The following THBS2 variants were observed in gnomAD, a reference collection of about 807,000 sequenced individuals.
THBS2 encodes the protein thrombospondin 2.
Under a neutral mutation model 135.2 loss-of-function variants are expected in THBS2, and 47 were observed. The observed-to-expected ratio is 0.35, with a 90% CI of 0.28 to 0.44. THBS2 has a LOEUF of 0.44. Ranked by LOEUF, THBS2 falls within the 20% of genes least tolerant of loss-of-function variation. The pLI is 1.00. For missense variants in THBS2, 1,288 were observed against 1,603.1 expected, an observed-to-expected ratio of 0.80 and a Z score of 3.36; for synonymous variants, 639 against 633.8, an observed-to-expected ratio of 1.01 and a Z score of -0.12.
At chr6:169,237,485 A>G in intron 8 of THBS2, 139 bp from the exon 9 acceptor site, 1 of 1,498,194 alleles carries the variant, frequency 6.7e-7, no homozygotes, top group Non-Finnish European at 9.1e-7. Flanking sequence ...AGCTGGGAGA[A>G]AGAGCCTCAC....
At chr6:169,237,025 G>T in intron 9 of THBS2, 145 bp downstream of exon 9, 1 of 904,748 alleles carries the variant, frequency 1.1e-6, no homozygotes. Context: ...CCAGGCCCGG[G>T]ATGGCAGCCC....
chr6:169,224,923 A>T (rs2114980836), intron 17 of THBS2, among the ~76,000 whole-genome samples: 1 of 152,298 alleles, frequency 6.6e-6, no homozygotes, highest in East Asian at 1.9e-4. Flanking sequence ...CACACACTTG[A>T]GGCAGCACAC....
intron 3 of THBS2, among the ~76,000 whole-genome samples, chr6:169,247,335 C>A (rs1780584075): frequency 6.6e-6 from 1 of 152,168 alleles, no homozygotes; most frequent in South Asian, 2.1e-4. Flanking sequence ...TGTGGCTCTG[C>A]ATGCATTGTG....
Position 169,223,277 on chromosome 6 carries a change from G to C in THBS2, c.2972C>G (p.Thr991Arg), listed in dbSNP as rs770085693. Reference sequence around the variant, plus strand: ...AGCGATGCCGGGGTCCGAGTTGGCTGTCTGAACCAGCTCCTTGCCTTGATG... The same window carrying C: ...AGCGATGCCGGGGTCCGAGTTGGCTCTCTGAACCAGCTCCTTGCCTTGATG... ...IRHQGKELVQ[T>R]ANSDPGIAVG... Residue 991 changes from threonine to arginine, a missense_variant, in exon 18 of 22, where the codon ACA becomes AGA. Physicochemically the swap from Thr to Arg is moderately conservative, Grantham distance 71 (BLOSUM62 -1). This residue lies in a region of THBS2 where 874 missense variants were observed against 1,156.1 expected (regional missense o/e 0.76). Coordinates refer to ENST00000617924, the MANE Select transcript of THBS2 (RefSeq NM_003247.5). The C allele has an allele frequency of 1.2e-6, 2 of 1,614,070 alleles. No individual in the cohort carries two copies. Among genetic ancestry groups the C allele is most frequent in the Admixed American group, 1.7e-5 (1 of 60,020 alleles).
Position 169,232,003 on chromosome 6 carries a change from T to C in THBS2, c.2128A>G (p.Asn710Asp). ...WPNLNLVCAT[N>D]ATYHCIKDNC... ...ACCTTGATGCAGTGGTAGGTGGCGT[T>C]GGTGGCGCAGACCAGATTGAGGTTG... The change falls in exon 13 of 22, where the codon AAC (asparagine) becomes GAC (aspartate). Residue 710 changes from asparagine (N) to aspartate (D), a missense_variant. Physicochemically the swap from Asn to Asp is conservative, Grantham distance 23. Transcript: ENST00000617924. 1 of 1,613,900 alleles carries C rather than the reference T, an allele frequency of 6.2e-7. No individual in the cohort carries two copies. The highest frequency in any genetic ancestry group is 8.5e-7 in the Non-Finnish European group (1 of 1,179,922).
intron 13 of THBS2, 80 bp from the exon 14 acceptor site, chr6:169,229,759 G>T: frequency 1.7e-6 from 2 of 1,183,480 alleles, no homozygotes; most frequent in Non-Finnish European, 2.5e-6. Context: ...AATGAAACCA[G>T]CATGGCGCCG....
At chr6:169,251,750 T>G (rs1387188151) in intron 1 of THBS2, among the ~76,000 whole-genome samples, 1 of 152,110 alleles carries the variant, frequency 6.6e-6, no homozygotes, top group Non-Finnish European at 1.5e-5. Flanking sequence ...ATCCTCACCT[T>G]CCAGGAATAG....
At chr6:169,244,162 G>GTTT (rs1780466211) in intron 4 of THBS2, among the ~76,000 whole-genome samples, 1 of 108,970 alleles carries the variant, frequency 9.2e-6, no homozygotes, top group Non-Finnish European at 1.8e-5. Flanking sequence ...AGATTTCTCT[G>GTTT]TGTTTTTTTT....
In THBS2 at chr6:169,248,500, C is replaced by A. The variant is rs113118914; in HGVS notation, c.526G>T (p.Asp176Tyr). The change falls in exon 3 of 22, where the codon GAC becomes TAC. Residue 176 changes from aspartate (D) to tyrosine (Y), a missense_variant. Asp to Tyr is a radical substitution (Grantham distance 160, BLOSUM62 -3). Transcript: ENST00000617924. The part of the protein sequence containing the change: ...GCDLIDSFAL[D>Y]EPFYEHLQAE... Reference sequence around the variant, plus strand: ...TGCAGGTGCTCGTAGAAGGGCTCGTCCAGAGCGAAGCTGTCTATGAGGTCG... The same window carrying A: ...TGCAGGTGCTCGTAGAAGGGCTCGTACAGAGCGAAGCTGTCTATGAGGTCG... The A allele has an allele frequency of 1.5e-5, 25 of 1,613,910 alleles. No homozygotes were observed. Among genetic ancestry groups the A allele is most frequent in the Non-Finnish European group, 2.0e-5 (24 of 1,180,046 alleles).
At position 169,225,188 on chromosome 6, in the gene THBS2, G is replaced by A. The variant is rs753422974; in HGVS notation, c.2730C>T (p.Asp910=). ...DDNDGVPDDR[D]NCRLVFNPDQ... is the part of the protein sequence containing the mutation. ...CTGGGTTGAACACAAGCCGGCAGTTGTCCCTGTCATCGGGGACGCCATCGT... is the reference window on the plus strand; with the variant it reads ...CTGGGTTGAACACAAGCCGGCAGTTATCCCTGTCATCGGGGACGCCATCGT... Residue 910 remains aspartate (D), a synonymous_variant, in exon 17 of 22, where the codon GAC becomes GAT. Coordinates refer to ENST00000617924, the MANE Select transcript of THBS2 (RefSeq NM_003247.5). 5.0e-6 allele frequency: 8 copies of A among 1,614,100 alleles called. No individual in the cohort carries two copies. Among genetic ancestry groups the A allele is most frequent in the Non-Finnish European group, 5.1e-6 (6 of 1,180,050 alleles).
At chr6:169,230,674 C>T (rs1349764521) in intron 13 of THBS2, among the ~76,000 whole-genome samples, 1 of 152,130 alleles carries the variant, frequency 6.6e-6, no homozygotes, top group South Asian at 2.1e-4. Context: ...AAATTTCCAT[C>T]TAAAATTCCA....
At chr6:169,219,435 T>C (rs943199385) in intron 21 of THBS2, among the ~76,000 whole-genome samples, 1 of 151,656 alleles carries the variant, frequency 6.6e-6, no homozygotes, top group African/African-American at 2.4e-5. Context: ...GGTGGATGAA[T>C]GATATGGATG....
chr6:169,217,965 G>T, intron 21 of THBS2, 136 bp from the exon 22 acceptor site: 1 of 773,152 alleles, frequency 1.3e-6, no homozygotes, highest in Non-Finnish European at 2.0e-6. Context: ...TGGATGGATG[G>T]ATGGATGAAA....
At chr6:169,222,600 G>T in intron 18 of THBS2, 132 bp from the exon 19 acceptor site, 1 of 984,430 alleles carries the variant, frequency 1.0e-6, no homozygotes, top group Non-Finnish European at 1.5e-6. Flanking sequence ...TTCGAGACTG[G>T]TCTGACCAAT....
Position 169,246,277 on chromosome 6 carries a change from A to G in THBS2, c.614T>C (p.Leu205Ser). 5 of 1,613,712 alleles carry G rather than the reference A, an allele frequency of 3.1e-6. No homozygotes were observed. The highest frequency in any genetic ancestry group is 4.2e-6 in the Non-Finnish European group (5 of 1,179,804). ...GSARESHFRG[L>S]LQNVHLVFEN... ...AAACACTAGGTGGACGTTCTGAAGC[A>G]AACCCTGTAAGTATACACAAGCAGA... The change falls in exon 4 of 22, where the codon TTG becomes TCG. Residue 205 changes from leucine to serine, a missense_variant. By Grantham distance (145) the Leu-to-Ser change is moderately radical. This residue lies in a region of THBS2 where 414 missense variants were observed against 447.0 expected (regional missense o/e 0.93). Coordinates refer to ENST00000617924, the MANE Select transcript of THBS2 (RefSeq NM_003247.5).
intron 12 of THBS2, 129 bp from the exon 13 acceptor site, chr6:169,232,327 A>G (rs1779868431): frequency 4.7e-6 from 5 of 1,057,524 alleles, no homozygotes; most frequent in African/African-American, 4.7e-5. Context: ...TGAAGTGGGA[A>G]GGGCTTTCTG....
intron 20 of THBS2, 101 bp downstream of exon 20, chr6:169,221,329 A>G: frequency 9.5e-7 from 1 of 1,054,302 alleles, no homozygotes; most frequent in South Asian, 1.3e-5. Context: ...GTAAAACAAA[A>G]AGTTAGAATT....
At chr6:169,225,078 AT>A in intron 17 of THBS2, 66 bp downstream of exon 17, 1 of 1,485,040 alleles carries the variant, frequency 6.7e-7, no homozygotes, top group South Asian at 1.2e-5. Flanking sequence ...GTGCATACAT[AT>A]CTCTGCCCTG....
At position 169,226,237 on chromosome 6, in the gene THBS2, A is replaced by T. The variant is rs1434270877; in HGVS notation, c.2481T>A (p.Asp827Glu). 6.2e-7 allele frequency: 1 copy of T among 1,613,930 alleles called. No homozygotes were observed. Among genetic ancestry groups the T allele is most frequent in the South Asian group, 1.1e-5 (1 of 91,076 alleles). ...YVYNTDQRDT[D>E]GDGVGDHCDN... is the part of the protein sequence containing the mutation. ...CACAGTGATCCCCCACACCGTCACC[A>T]TCCGTGTCCCTCTGGTCAGTGTTGT... The change falls in exon 16 of 22, where the codon GAT (aspartate) becomes GAA (glutamate). Residue 827 changes from aspartate (D) to glutamate (E), a missense_variant. Coordinates refer to ENST00000617924, the MANE Select transcript of THBS2 (RefSeq NM_003247.5).
Sources: allele counts gnomAD v4.1 joint callset (sites outside exome capture counted in the v4.1 genomes callset), GRCh38; gene constraint gnomAD v4.1.1; regional missense constraint gnomAD v4.1.1; transcripts MANE v1.5; gene names NCBI Gene and HGNC (gene_info 2026-07-23, HGNC 2026-07-21).